The following TENM3 variants were observed in gnomAD, a reference collection of about 807,000 sequenced individuals.
TENM3 encodes teneurin-3.
A neutral mutation model predicts 255.1 loss-of-function variants in TENM3; 63 were observed. That is an observed-to-expected ratio of 0.25 (90% CI 0.20 to 0.30). TENM3 has a LOEUF of 0.30. TENM3 is among the 10% of genes least tolerant of loss of function. The probability of loss-of-function intolerance (pLI) is 1.00; values close to 1 mark genes in which losing one functional copy is unlikely to be tolerated. For synonymous variants in TENM3, 1,306 were observed against 1,322.3 expected (o/e 0.99, Z 0.27); for missense variants, 2,929 against 3,461.1 (o/e 0.85, Z 3.86).
Position 182,799,686 on chromosome 4 carries a change from C to A in TENM3, c.7435C>A (p.Arg2479=), listed in dbSNP as rs991788883. Residue 2479 remains arginine, a synonymous_variant, in exon 28 of 28, where the codon CGG becomes AGG. Coordinates refer to ENST00000511685, the MANE Select transcript of TENM3 (RefSeq NM_001080477.4). This position sits in a 1 kb window ranked among gnomAD's most constrained non-coding sequence, Gnocchi z 4.2. ...GGCCGAGGTGCAGGTGAGCCGGCGC[C>A]GGGCCGGCGGCGCGCAGTCCTGGCT... ...KMAEVQVSRR[R]AGGAQSWLWF... is the part of the protein sequence containing the mutation. 1 of 1,548,972 alleles carries A rather than the reference C, an allele frequency of 6.5e-7. No homozygotes were observed. The highest frequency in any genetic ancestry group is 8.7e-7 in the Non-Finnish European group (1 of 1,146,514).
chr4:182,800,558 C>G lies in TENM3; in HGVS notation c.*207C>G, dbSNP rs1766874334. The G allele has an allele frequency of 1.7e-6, 1 of 572,334 alleles. No individual in the cohort carries two copies. The highest frequency in any genetic ancestry group is 3.0e-6 in the Non-Finnish European group (1 of 335,328). The allele number at this position is 572,334 out of a possible 1,614,324, so 35.5% of individuals were successfully genotyped here. A position where few individuals can be genotyped will look rare whatever the true frequency, so the allele number is the denominator to read the frequency against. Reference sequence around the variant, plus strand: ...GCTTTAACGAATATGTTTACATATGCATAGCGCTGCACTCAGTCGGACTGA... The same window carrying G: ...GCTTTAACGAATATGTTTACATATGGATAGCGCTGCACTCAGTCGGACTGA... On this transcript the variant is annotated 3_prime_UTR_variant, in exon 28 of 28. Coordinates refer to ENST00000511685, the MANE Select transcript of TENM3 (RefSeq NM_001080477.4).
chr4:182,770,782 G>A (rs548037647), intron 22 of TENM3, among the ~76,000 whole-genome samples: 13 of 152,252 alleles, frequency 8.5e-5, no homozygotes, highest in African/African-American at 2.4e-4. Flanking sequence ...ATATCCTCAC[G>A]CTTTAGCTTG....
At chr4:182,221,066 G>A (rs780521608) in intron 1 of TENM3, among the ~76,000 whole-genome samples, 1 of 152,184 alleles carries the variant, frequency 6.6e-6, no homozygotes, top group African/African-American at 2.4e-5. Flanking sequence ...GTTGTTCTGT[G>A]TGTGTGCTTA....
rs927967983 is a variant in TENM3, at chr4:182,409,292, A to G, written c.511+62363A>G. Among the ~76,000 whole-genome samples the G allele has an allele frequency of 2.3e-4, 35 of 152,338 alleles. No individual in the cohort carries two copies. In the South Asian group the frequency reaches 5.2e-3, roughly 23 times the overall value. On this transcript the variant is annotated intron_variant, in intron 3 of 27. Coordinates refer to ENST00000511685, the MANE Select transcript of TENM3 (RefSeq NM_001080477.4). ...TGGGGTCATCTCTCAGAAGATACGC[A>G]GGGTCCTAGAAAAATGAGAAATGCA...
intron 6 of TENM3, among the ~76,000 whole-genome samples, chr4:182,666,642 A>G (rs746276297): frequency 3.3e-5 from 5 of 152,324 alleles, no homozygotes; most frequent in African/African-American, 7.2e-5. Context: ...CATGCCTGCA[A>G]TCCCAGCACT....
chr4:182,362,804 G>A (rs148519446), intron 3 of TENM3, among the ~76,000 whole-genome samples: 246 of 152,108 alleles, frequency 1.6e-3, no homozygotes, highest in African/African-American at 5.5e-3. Flanking sequence ...GAAATCACCC[G>A]TCTTCTGCAT....
chr4:181,857,954 C>A, the TENM3 span, among the ~76,000 whole-genome samples: 1 of 152,172 alleles, frequency 6.6e-6, no homozygotes. Context: ...ACCAGAGTCC[C>A]CTTCCCAAGC....
the TENM3 span, among the ~76,000 whole-genome samples, chr4:181,727,323 CTTG>C: frequency 6.6e-6 from 1 of 152,154 alleles, no homozygotes; most frequent in African/African-American, 2.4e-5. Flanking sequence ...CTTGAAAGAG[CTTG>C]TTGTAAATAA....
At chr4:181,544,208 G>T in the TENM3 span, among the ~76,000 whole-genome samples, 1 of 151,772 alleles carries the variant, frequency 6.6e-6, no homozygotes, top group Non-Finnish European at 1.5e-5. Flanking sequence ...AGGTAAAAAT[G>T]ATATAGGATA....
intron 3 of TENM3, among the ~76,000 whole-genome samples, chr4:182,536,126 A>G (rs967606663): frequency 5.9e-5 from 9 of 152,168 alleles, no homozygotes; most frequent in Non-Finnish European, 8.8e-5. Flanking sequence ...GATTAACTAG[A>G]TTGTTGTTTC....
chr4:182,519,872 A>G (rs541682617), intron 3 of TENM3, among the ~76,000 whole-genome samples: 5 of 152,120 alleles, frequency 3.3e-5, no homozygotes, highest in Admixed American at 6.5e-5. Context: ...ATGTTTATAC[A>G]GTTGTTGTAT....
intron 1 of TENM3, among the ~76,000 whole-genome samples, chr4:182,268,400 A>G (rs553154537): frequency 1.3e-5 from 2 of 152,270 alleles, no homozygotes; most frequent in South Asian, 4.1e-4. Flanking sequence ...TAAAAACATT[A>G]CAAAAGATGA....
At chr4:181,720,786 T>C in the TENM3 span, among the ~76,000 whole-genome samples, 3 of 152,128 alleles carry the variant, frequency 2.0e-5, no homozygotes, top group Admixed American at 6.5e-5. Context: ...GTGATCACAC[T>C]GGGCAATTTT....
chr4:182,737,771 T>C (rs1761284569), intron 17 of TENM3, among the ~76,000 whole-genome samples: 1 of 152,226 alleles, frequency 6.6e-6, no homozygotes, highest in East Asian at 1.9e-4. Context: ...AATAGGTAAT[T>C]TGGATTTGAA....
rs768825465 is a variant in TENM3 at position 182,714,245 on chromosome 4, T to G, written c.2368+12T>G. ...GGACAATGAAGGAGGTAAGAAATAC[T>G]GAGCATGAACACGAGTCTGTGCCAG... On this transcript the variant is annotated intron_variant, in intron 13 of 27. Coordinates refer to ENST00000511685, the MANE Select transcript of TENM3 (RefSeq NM_001080477.4). The G allele has an allele frequency of 6.3e-7, 1 of 1,594,544 alleles. No homozygotes were observed. Among genetic ancestry groups the G allele is most frequent in the East Asian group, 2.3e-5 (1 of 43,972 alleles).
the TENM3 span, among the ~76,000 whole-genome samples, chr4:181,767,807 A>G: frequency 4.6e-5 from 7 of 152,196 alleles, no homozygotes; most frequent in Non-Finnish European, 8.8e-5. Context: ...TTCAAGGCAT[A>G]TTTTAATATA....
chr4:182,601,578 A>G (rs935289450), intron 4 of TENM3, among the ~76,000 whole-genome samples: 11 of 152,198 alleles, frequency 7.2e-5, no homozygotes, highest in African/African-American at 2.7e-4. Context: ...TGTTCATTAC[A>G]TCATATATTC....
the TENM3 span, among the ~76,000 whole-genome samples, chr4:181,707,128 G>T: frequency 6.6e-6 from 1 of 152,328 alleles, no homozygotes; most frequent in Admixed American, 6.5e-5. Context: ...CAGCAGAAGG[G>T]AGGGGACTTG....
At chr4:182,087,750 C>G in the TENM3 span, among the ~76,000 whole-genome samples, 5 of 152,150 alleles carry the variant, frequency 3.3e-5, no homozygotes, top group African/African-American at 1.2e-4. Context: ...GGCCACAGGA[C>G]GTTTGACCTA....
Sources: allele counts gnomAD v4.1 joint callset (sites outside exome capture counted in the v4.1 genomes callset), GRCh38; gene constraint gnomAD v4.1.1; non-coding constraint Gnocchi (gnomAD v3.1); transcripts MANE v1.5; gene names NCBI Gene and HGNC (gene_info 2026-07-23, HGNC 2026-07-21).